ERICH1: variants seen among roughly 807,000 people sequenced by gnomAD.
ERICH1 encodes the protein glutamate rich 1.
ERICH1 carries 56 observed loss-of-function variants against 39.6 expected under a neutral mutation model. The observed-to-expected ratio is 1.41, with a 90% CI of 1.14 to 1.77. The LOEUF is 1.77. Among genes scored for constraint, ERICH1 ranks in the 40% most tolerant of loss-of-function variants. ERICH1 has a pLI of 0.00. For missense variants in ERICH1, 826 were observed against 575.4 expected, an observed-to-expected ratio of 1.44 and a Z score of -4.45; for synonymous variants, 313 against 223.6, an observed-to-expected ratio of 1.40 and a Z score of -3.57.
At chr8:679,314 C>T (rs1364251158) in intron 3 of ERICH1, among the ~76,000 whole-genome samples, 2 of 150,184 alleles carry the variant, frequency 1.3e-5, no homozygotes, top group African/African-American at 4.9e-5. Context: ...TCACGGCTTC[C>T]ACCCCTCACA....
chr8:675,037 C>A (rs1165699669), intron 3 of ERICH1, among the ~76,000 whole-genome samples: 6 of 152,228 alleles, frequency 3.9e-5, no homozygotes, highest in South Asian at 2.1e-4. Flanking sequence ...TGGCTTGAAA[C>A]GGGCGGCTGG....
chr8:690,107 G>A (rs1478489790), intron 3 of ERICH1, among the ~76,000 whole-genome samples: 1 of 152,190 alleles, frequency 6.6e-6, no homozygotes, highest in African/African-American at 2.4e-5. Context: ...AGGAGTACGT[G>A]CATGTTTCTG....
At chr8:629,283 C>G (rs1355713736) in intron 3 of ERICH1, among the ~76,000 whole-genome samples, 1 of 151,818 alleles carries the variant, frequency 6.6e-6, no homozygotes, top group Non-Finnish European at 1.5e-5. Context: ...AACTACATGA[C>G]GTACAGCTGA....
intron 1 of ERICH1, among the ~76,000 whole-genome samples, chr8:724,039 G>A (rs1450816236): frequency 1.3e-5 from 2 of 152,092 alleles, no homozygotes; most frequent in African/African-American, 4.8e-5. Context: ...CAAGCTTTCT[G>A]AAATATCAAA....
intron 3 of ERICH1, among the ~76,000 whole-genome samples, chr8:620,506 C>T (rs186887841): frequency 8.7e-4 from 132 of 152,220 alleles, no homozygotes; most frequent in African/African-American, 3.0e-3. Context: ...TGTATAGTAT[C>T]TGCAATGTAC....
intron 3 of ERICH1, among the ~76,000 whole-genome samples, chr8:628,012 C>A (rs749733051): frequency 7.9e-5 from 12 of 152,180 alleles, no homozygotes; most frequent in Non-Finnish European, 1.6e-4. Context: ...AGCAGGGGCG[C>A]CTTCCTGAGG....
At chr8:677,179 T>C (rs905105388) in intron 3 of ERICH1, among the ~76,000 whole-genome samples, 2 of 152,114 alleles carry the variant, frequency 1.3e-5, no homozygotes, top group Non-Finnish European at 2.9e-5. Flanking sequence ...ACCCCATGAC[T>C]CGATAAAGCA....
At chr8:654,933 C>T (rs968839314) in intron 3 of ERICH1, among the ~76,000 whole-genome samples, 8 of 152,336 alleles carry the variant, frequency 5.3e-5, no homozygotes, top group East Asian at 1.9e-4. Context: ...GCTTTGCTTG[C>T]GGTGACCAAA....
At chr8:646,974 A>G (rs1207742974) in intron 3 of ERICH1, among the ~76,000 whole-genome samples, 2 of 68,816 alleles carry the variant, frequency 2.9e-5, no homozygotes, top group East Asian at 6.0e-4. Context: ...AGGGCCTACC[A>G]AGCCCTCCAC....
rs188804067 is a variant in ERICH1 at position 629,372 on chromosome 8, C to G, written c.977-14088G>C. Among the ~76,000 whole-genome samples the G allele has an allele frequency of 2.2e-3, 329 of 150,836 alleles. 1 individual carries two copies. The highest frequency in any genetic ancestry group is 3.5e-3 in the Middle Eastern group (1 of 286). On this transcript the variant is annotated intron_variant, in intron 3 of 3. Coordinates refer to the ERICH1 transcript ENST00000522706. The stretch of plus-strand genomic sequence containing the variant: ...TGACCACCCACACACACAGAGCTGA[C>G]TCACACTCTCCTGTGACCACCCACA...
chr8:662,065 C>T (rs1249608421), downstream of ERICH1, among the ~76,000 whole-genome samples: 9 of 151,758 alleles, frequency 5.9e-5, no homozygotes, highest in Admixed American at 5.2e-4. Flanking sequence ...ACACATGACC[C>T]ACCAGCCCTG....
Position 687,721 on chromosome 8 carries a change from C to T in ERICH1, c.304+4757G>A, listed in dbSNP as rs1193515478. 2.0e-5 allele frequency among the ~76,000 whole-genome samples: 3 copies of T among 152,176 alleles called. No homozygotes were observed. In the East Asian group the frequency reaches 5.8e-4, roughly 29 times the overall value. The stretch of plus-strand genomic sequence containing the variant: ...AGGGCTGAAGTCGGCAGAACTGCGG[C>T]CAGTGCCCGCCGCGCCCGGGGGAGC... On this transcript the variant is annotated intron_variant, in intron 3 of 5. Coordinates refer to ENST00000262109, the MANE Select transcript of ERICH1 (RefSeq NM_207332.3).
intron 2 of ERICH1, among the ~76,000 whole-genome samples, chr8:693,484 C>A (rs570727703): frequency 6.6e-6 from 1 of 152,378 alleles, no homozygotes; most frequent in African/African-American, 2.4e-5. Flanking sequence ...GTGGAGCTGA[C>A]CAGAGGTCGT....
At chr8:627,070 G>T (rs1486688575) in intron 3 of ERICH1, 1 of 453,886 alleles carries the variant, frequency 2.2e-6, no homozygotes, top group South Asian at 1.5e-5. Context: ...CGTGCTCTGG[G>T]CTCCAGCAGG....
intron 3 of ERICH1, among the ~76,000 whole-genome samples, chr8:687,457 G>A (rs893150611): frequency 9.9e-5 from 15 of 152,254 alleles, no homozygotes; most frequent in African/African-American, 3.6e-4. Context: ...CAGACGGTCT[G>A]GCACAACAAA....
At chr8:616,097 C>G (rs1276013880) in intron 3 of ERICH1, 1 of 164,468 alleles carries the variant, frequency 6.1e-6, no homozygotes, top group African/African-American at 2.4e-5. Context: ...AGAAGAAAGT[C>G]CGTTAAAAAC....
intron 3 of ERICH1, among the ~76,000 whole-genome samples, chr8:634,602 T>G (rs575128842): frequency 6.6e-6 from 1 of 152,220 alleles, no homozygotes; most frequent in Admixed American, 6.5e-5. Context: ...GTGCCATGCG[T>G]GCAGTAGGTG....
At chr8:630,010 A>G (rs1281387576) in intron 3 of ERICH1, among the ~76,000 whole-genome samples, 105 of 133,564 alleles carry the variant, frequency 7.9e-4, no homozygotes, top group African/African-American at 3.0e-3. Flanking sequence ...GCACCCACAC[A>G]GACAAAGCTG....
intron 3 of ERICH1, among the ~76,000 whole-genome samples, chr8:681,638 A>G (rs1282408996): frequency 1.3e-5 from 2 of 152,186 alleles, no homozygotes; most frequent in Non-Finnish European, 2.9e-5. Context: ...CCGTTTTGCA[A>G]TTGTTGAGCT....
Sources: gnomAD v4.1 joint callset for allele counts (sites outside exome capture counted in the v4.1 genomes callset) on GRCh38, gnomAD v4.1.1 for gene constraint, MANE v1.5 for transcripts, NCBI Gene and HGNC (gene_info 2026-07-23, HGNC 2026-07-21) for gene names.